ANKS1B: variants seen among roughly 807,000 people sequenced by gnomAD.
ANKS1B encodes the protein ankyrin repeat and sterile alpha motif domain containing 1B.
A neutral mutation model predicts 148.3 loss-of-function variants in ANKS1B; 36 were observed. That is an observed-to-expected ratio of 0.24 (90% CI 0.19 to 0.32). The LOEUF (loss-of-function observed/expected upper bound fraction) is 0.32, where lower values mean the gene tolerates loss of function less well. Among genes scored for constraint, ANKS1B ranks in the 10% least tolerant of loss-of-function variants. The pLI, the probability that ANKS1B is intolerant of heterozygous loss-of-function variation, is 1.00. For missense variants in ANKS1B, 1,157 were observed against 1,542.6 expected (o/e 0.75, Z 4.19); for synonymous variants, 542 against 560.8 (o/e 0.97, Z 0.47).
At chr12:99,750,677 T>C (rs1376469491) in intron 8 of ANKS1B, among the ~76,000 whole-genome samples, 1 of 151,920 alleles carries the variant, frequency 6.6e-6, no homozygotes, top group African/African-American at 2.4e-5. Flanking sequence ...TCCAGGCCCA[T>C]CCCCTTTAAC....
intron 4 of ANKS1B, among the ~76,000 whole-genome samples, chr12:99,800,655 C>T (rs965619034): frequency 6.6e-6 from 1 of 152,118 alleles, no homozygotes; most frequent in East Asian, 1.9e-4. Context: ...ATGGCACTGC[C>T]TTTTGACAAA....
intron 12 of ANKS1B, among the ~76,000 whole-genome samples, chr12:99,316,725 T>C (rs1013398656): frequency 6.6e-5 from 10 of 152,214 alleles, no homozygotes; most frequent in Admixed American, 5.2e-4. Flanking sequence ...TTTGGTGTTT[T>C]AGTCATGAAG....
At chr12:99,527,001 G>A (rs888350370) in intron 9 of ANKS1B, among the ~76,000 whole-genome samples, 2 of 152,172 alleles carry the variant, frequency 1.3e-5, no homozygotes, top group Non-Finnish European at 2.9e-5. Context: ...GAGTTATGCT[G>A]CCACAAGCCA....
At chr12:99,669,618 G>C (rs1445156607) in intron 8 of ANKS1B, among the ~76,000 whole-genome samples, 4 of 151,966 alleles carry the variant, frequency 2.6e-5, no homozygotes, top group African/African-American at 9.7e-5. Flanking sequence ...GGATTTTTCT[G>C]TTTATGTATC....
At chr12:99,249,389 T>C (rs566861941) in intron 12 of ANKS1B, among the ~76,000 whole-genome samples, 1 of 152,312 alleles carries the variant, frequency 6.6e-6, no homozygotes, top group African/African-American at 2.4e-5. Flanking sequence ...ACAATGACTA[T>C]AATTACCACC....
intron 17 of ANKS1B, among the ~76,000 whole-genome samples, chr12:98,870,254 G>A (rs1271520824): frequency 6.6e-6 from 1 of 152,224 alleles, no homozygotes; most frequent in Non-Finnish European, 1.5e-5. Context: ...GGATCACTGT[G>A]CAAATGACGA....
At position 99,141,898 on chromosome 12, in the gene ANKS1B, T is replaced by C. The variant is rs553810408; in HGVS notation, c.2526+12391A>G. Among the ~76,000 whole-genome samples the C allele has an allele frequency of 2.0e-5, 3 of 152,188 alleles. No individual in the cohort carries two copies. In the South Asian group the frequency reaches 6.2e-4, roughly 32 times the overall value. On this transcript the variant is annotated intron_variant, in intron 15 of 26. Coordinates refer to ENST00000683438, the MANE Select transcript of ANKS1B (RefSeq NM_001352186.2). The stretch of plus-strand genomic sequence containing the variant: ...TTCTACCTAACTGATAACTTTCCCA[T>C]GGAGCAAGTTTTTCCCATGGAGCAA...
At chr12:98,825,583 C>T (rs888076158) in intron 19 of ANKS1B, among the ~76,000 whole-genome samples, 6 of 152,050 alleles carry the variant, frequency 3.9e-5, no homozygotes, top group African/African-American at 1.2e-4. Flanking sequence ...AATACAAGTA[C>T]TATTTCATTT....
intron 9 of ANKS1B, among the ~76,000 whole-genome samples, chr12:99,554,355 CCATGAAA>C (rs1236267611): frequency 6.6e-6 from 1 of 152,068 alleles, no homozygotes; most frequent in East Asian, 1.9e-4. Flanking sequence ...ATTTTTTAAA[CCATGAAA>C]TGCTGAAACA....
chr12:99,604,774 C>T (rs752610963), intron 9 of ANKS1B, among the ~76,000 whole-genome samples: 5 of 142,654 alleles, frequency 3.5e-5, no homozygotes, highest in Non-Finnish European at 6.0e-5. Context: ...GAGATCACAC[C>T]ATTGCACTCC....
chr12:99,852,957 T>C (rs1377550512), intron 1 of ANKS1B, among the ~76,000 whole-genome samples: 1 of 152,100 alleles, frequency 6.6e-6, no homozygotes, highest in African/African-American at 2.4e-5. Context: ...TTTCCTCCAC[T>C]TCCCTGGCAA....
At chr12:98,868,985 G>A (rs142458881) in intron 17 of ANKS1B, among the ~76,000 whole-genome samples, 16 of 152,302 alleles carry the variant, frequency 1.1e-4, no homozygotes, top group African/African-American at 3.6e-4. Context: ...AAACCACGAA[G>A]GATCTGGAGA....
chr12:99,964,054 A>G (rs2153833486), intron 1 of ANKS1B, among the ~76,000 whole-genome samples: 1 of 152,306 alleles, frequency 6.6e-6, no homozygotes, highest in Non-Finnish European at 1.5e-5. Context: ...TCAGCTAAAC[A>G]GCAAAAAAAT....
chr12:99,584,924 CAAGAT>C (rs1262927828), intron 9 of ANKS1B, among the ~76,000 whole-genome samples: 5 of 152,084 alleles, frequency 3.3e-5, no homozygotes, highest in African/African-American at 1.2e-4. Context: ...AGCTACAATT[CAAGAT>C]GAGATTTGGG....
In ANKS1B at chr12:99,464,943, A is replaced by G. The variant is rs373478428; in HGVS notation, c.1439-21134T>C. ...TTCAGATTCAGGAAATACAGAGAAC[A>G]CCACAAAGATACTCCTCGAGAAGAG... On this transcript the variant is annotated intron_variant, in intron 10 of 26. Transcript: ENST00000683438. Among the ~76,000 whole-genome samples, 12 of 152,266 alleles carry G rather than the reference A, an allele frequency of 7.9e-5. No homozygotes were observed. The East Asian group carries it at 1.4e-3, about 17-fold the overall frequency.
At position 99,246,697 on chromosome 12, in the gene ANKS1B, C is replaced by A; in HGVS notation, c.1924G>T (p.Ala642Ser). The change falls in exon 13 of 27, where the codon GCA becomes TCA. Residue 642 changes from alanine (A) to serine (S), a missense_variant. Ala to Ser is a moderately conservative substitution (Grantham distance 99, BLOSUM62 1). Transcript: ENST00000683438. ...CEKGQDEVSLANSPLPFKQSP... is the reference protein window; with the variant it reads ...CEKGQDEVSLSNSPLPFKQSP... ...TGCTTGAAAGGCAAAGGACTGTTTG[C>A]CAAACTGACTTCATCTTGTCCTTTT... is the stretch of plus-strand genomic sequence containing the variant. The A allele has an allele frequency of 6.2e-7, 1 of 1,613,860 alleles. No homozygotes were observed. Among genetic ancestry groups the A allele is most frequent in the Non-Finnish European group, 8.5e-7 (1 of 1,179,842 alleles).
rs2097860634 is a variant in ANKS1B, at chr12:98,745,471, G to A, written c.*268C>T. On this transcript the variant is annotated 3_prime_UTR_variant, in exon 27 of 27. Transcript: ENST00000683438. ...GGCGGAGTCATCAGAAATACCTTGGGAGGTGGTGGGGAGGGGAGTCGGGAG... is the reference window on the plus strand; with the variant it reads ...GGCGGAGTCATCAGAAATACCTTGGAAGGTGGTGGGGAGGGGAGTCGGGAG... 1 of 1,125,686 alleles carries A rather than the reference G, an allele frequency of 8.9e-7. No homozygotes were observed. Among genetic ancestry groups the A allele is most frequent in the Admixed American group, 5.1e-5 (1 of 19,756 alleles). 69.7% of individuals were successfully genotyped at this position (1,125,686 alleles called of 1,614,324 possible).
intron 12 of ANKS1B, among the ~76,000 whole-genome samples, chr12:99,382,855 A>C (rs903779995): frequency 2.6e-5 from 4 of 152,106 alleles, no homozygotes; most frequent in African/African-American, 7.2e-5. Flanking sequence ...CCCATCATGG[A>C]ATCACTACAG....
At chr12:99,982,089 T>A (rs1447371617) in intron 1 of ANKS1B, among the ~76,000 whole-genome samples, 2 of 152,126 alleles carry the variant, frequency 1.3e-5, no homozygotes, top group Admixed American at 1.3e-4. Flanking sequence ...AAAGCAAGTT[T>A]AAAGGTTATT....
Sources: allele counts gnomAD v4.1 joint callset (sites outside exome capture counted in the v4.1 genomes callset), GRCh38; gene constraint gnomAD v4.1.1; transcripts MANE v1.5; gene names NCBI Gene and HGNC (gene_info 2026-07-23, HGNC 2026-07-21).